The following IQCJ variants were observed in gnomAD, a reference collection of about 807,000 sequenced individuals.
IQCJ encodes the protein IQ motif containing J.
In IQCJ, 9 loss-of-function variants were observed where a neutral mutation model predicts 11.0. The observed-to-expected ratio is 0.82, with a 90% CI of 0.49 to 1.43. The LOEUF (loss-of-function observed/expected upper bound fraction) is 1.43. Ranked by LOEUF, IQCJ falls within the 40% of genes most tolerant of loss-of-function variation. The probability of loss-of-function intolerance (pLI) is 0.00; values close to 1 mark genes in which losing one functional copy is unlikely to be tolerated. For missense variants in IQCJ, 146 were observed against 133.2 expected (o/e 1.10, Z -0.47); for synonymous variants, 55 against 51.3 (o/e 1.07, Z -0.31).
intron 1 of IQCJ, among the ~76,000 whole-genome samples, chr3:159,154,109 TC>T (rs1293808206): frequency 2.0e-5 from 3 of 152,152 alleles, no homozygotes; most frequent in African/African-American, 7.2e-5. Context: ...TTTAAAAAGT[TC>T]CCAAAAAATC....
At chr3:159,237,044 A>G (rs1363862670) in intron 1 of IQCJ, among the ~76,000 whole-genome samples, 1 of 152,250 alleles carries the variant, frequency 6.6e-6, no homozygotes, top group East Asian at 1.9e-4. Flanking sequence ...CCACAGCTAC[A>G]CAGTGAAGTA....
Position 159,091,666 on chromosome 3 carries a change from A to ACG in IQCJ, c.9+22226_9+22227insGC, listed in dbSNP as rs763015668. On this transcript the variant is annotated intron_variant, in intron 1 of 3. Coordinates refer to ENST00000397832, the MANE Select transcript of IQCJ (RefSeq NM_001042706.3). The stretch of plus-strand genomic sequence containing the variant: ...GGTATTTACACACACACACACACAC[A>ACG]CACGCATGCACACACACACACACAC... 5.6e-3 allele frequency among the ~76,000 whole-genome samples: 447 copies of ACG among 79,750 alleles called. 12 individuals are homozygous for ACG. Among genetic ancestry groups the ACG allele is most frequent in the African/African-American group, 0.022 (382 of 17,120 alleles). 52.3% of individuals were successfully genotyped at this position (79,750 alleles called of 152,430 possible). A position where few individuals can be genotyped will look rare whatever the true frequency, so the allele number is the denominator to read the frequency against.
chr3:159,070,336 T>C (rs1003857632), intron 1 of IQCJ, among the ~76,000 whole-genome samples: 14 of 152,254 alleles, frequency 9.2e-5, no homozygotes, highest in African/African-American at 2.9e-4. Flanking sequence ...CCTTGTCTCA[T>C]TGGGTGAGAT....
intron 1 of IQCJ, among the ~76,000 whole-genome samples, chr3:159,203,144 C>T (rs911494884): frequency 6.6e-6 from 1 of 150,492 alleles, no homozygotes; most frequent in African/African-American, 2.5e-5. Context: ...CCTTTTCCTC[C>T]TTCATTCAAG....
intron 1 of IQCJ, among the ~76,000 whole-genome samples, chr3:159,163,200 C>CAGCACATCCATGTCACGG (rs1328897748): frequency 6.6e-6 from 1 of 152,164 alleles, no homozygotes; most frequent in African/African-American, 2.4e-5. Flanking sequence ...CCGAATCCAG[C>CAGCACATCCATGTCACGG]AGCACATCAA....
intron 1 of IQCJ, among the ~76,000 whole-genome samples, chr3:159,187,971 C>A (rs4680495): frequency 0.68 from 103,350 of 152,026 alleles, 35,777 homozygotes; most frequent in African/African-American, 0.8. Context: ...CTTCCACCGG[C>A]GCTGGGCATG....
At chr3:159,121,202 T>C (rs1187572833) in intron 1 of IQCJ, among the ~76,000 whole-genome samples, 1 of 151,414 alleles carries the variant, frequency 6.6e-6, no homozygotes, top group Non-Finnish European at 1.5e-5. Context: ...GGCATGATCA[T>C]GGCTCACTGC....
chr3:159,088,065 A>T (rs1201536345), intron 1 of IQCJ, among the ~76,000 whole-genome samples: 10 of 151,700 alleles, frequency 6.6e-5, no homozygotes, highest in Admixed American at 1.3e-4. Context: ...TAATGCTATA[A>T]ATTTCCCTCT....
chr3:159,069,390 G>A lies in IQCJ; in HGVS notation c.-43G>A, dbSNP rs754806582. 6 of 1,596,662 alleles carry A rather than the reference G, an allele frequency of 3.8e-6. No individual in the cohort carries two copies. Among genetic ancestry groups the A allele is most frequent in the Non-Finnish European group, 5.1e-6 (6 of 1,173,902 alleles). On this transcript the variant is annotated 5_prime_UTR_variant, in exon 1 of 4. Transcript: ENST00000397832. ...TGAGGAATACAGTGTGCCAGCATCC[G>A]ATCCAGTCTCCTTTCACCTGCAGGT...
In IQCJ at chr3:159,152,986, A is replaced by G. The variant is rs527589145; in HGVS notation, c.9+83545A>G. Reference sequence around the variant, plus strand: ...AAATGTCACTCATACTTCATAACTGAAAAAATTATTTTGAGTTCCTTAATA... The same window carrying G: ...AAATGTCACTCATACTTCATAACTGGAAAAATTATTTTGAGTTCCTTAATA... On this transcript the variant is annotated intron_variant, in intron 1 of 3. Transcript: ENST00000397832. Among the ~76,000 whole-genome samples the G allele has an allele frequency of 1.1e-4, 17 of 152,344 alleles. No individual in the cohort carries two copies. The East Asian group carries it at 3.1e-3, about 28-fold the overall frequency.
chr3:159,072,543 G>A (rs1020469848), intron 1 of IQCJ, among the ~76,000 whole-genome samples: 2 of 152,056 alleles, frequency 1.3e-5, no homozygotes, highest in Non-Finnish European at 2.9e-5. Flanking sequence ...AACCTTATTA[G>A]AGTCTGTGGA....
chr3:159,181,440 G>A (rs892286047), intron 1 of IQCJ, among the ~76,000 whole-genome samples: 6 of 147,322 alleles, frequency 4.1e-5, no homozygotes, highest in East Asian at 4.2e-4. Context: ...TTCCTGCCCA[G>A]TGAGAATGAC....
intron 1 of IQCJ, among the ~76,000 whole-genome samples, chr3:159,198,123 CT>C (rs1724099722): frequency 6.6e-6 from 1 of 152,094 alleles, no homozygotes; most frequent in Admixed American, 6.5e-5. Context: ...TGAAATGAGC[CT>C]TTATCCTATT....
rs1276846394 is a variant in IQCJ, at chr3:159,181,403, TTGTTAAAACCA to T, written c.10-64439_10-64429del. 2.8e-5 allele frequency among the ~76,000 whole-genome samples: 4 copies of T among 144,996 alleles called. 2 individuals are homozygous for T. The highest frequency in any genetic ancestry group is 1.0e-4 in the African/African-American group (4 of 38,892). On this transcript the variant is annotated intron_variant, in intron 1 of 3. Coordinates refer to ENST00000397832, the MANE Select transcript of IQCJ (RefSeq NM_001042706.3). ...GTCTAGCCATTCACTTGGTTTTAAC[TTGTTAAAACCA>T]AGTGAGTGGCTAGACTTCCTGCCCA...
intron 1 of IQCJ, among the ~76,000 whole-genome samples, chr3:159,215,058 G>C (rs1725152050): frequency 6.6e-6 from 1 of 152,142 alleles, no homozygotes; most frequent in Admixed American, 6.5e-5. Context: ...GTGAACAAGA[G>C]AAAAGTGTAC....
At chr3:159,084,127 T>TC (rs1387175881) in intron 1 of IQCJ, among the ~76,000 whole-genome samples, 28 of 152,098 alleles carry the variant, frequency 1.8e-4, no homozygotes, top group African/African-American at 6.5e-4. Context: ...CTGGTTGTGA[T>TC]ATTATACTAT....
At chr3:159,238,243 C>T (rs914896220) in intron 1 of IQCJ, among the ~76,000 whole-genome samples, 1 of 152,150 alleles carries the variant, frequency 6.6e-6, no homozygotes, top group Admixed American at 6.5e-5. Context: ...TATTCAACTT[C>T]TTTCTTCTGC....
At chr3:159,157,600 T>A (rs1299594515) in intron 1 of IQCJ, among the ~76,000 whole-genome samples, 1 of 152,178 alleles carries the variant, frequency 6.6e-6, no homozygotes, top group Non-Finnish European at 1.5e-5. Flanking sequence ...GTTTAATATA[T>A]ACCTATAGGT....
intron 1 of IQCJ, among the ~76,000 whole-genome samples, chr3:159,215,617 A>G (rs549902057): frequency 6.6e-6 from 1 of 152,334 alleles, no homozygotes; most frequent in African/African-American, 2.4e-5. Context: ...AAATGGAGGT[A>G]AAATGAACTT....
Sources: gnomAD v4.1 joint callset for allele counts (sites outside exome capture counted in the v4.1 genomes callset) on GRCh38, gnomAD v4.1.1 for gene constraint, MANE v1.5 for transcripts, NCBI Gene and HGNC (gene_info 2026-07-23, HGNC 2026-07-21) for gene names.